The following ANO4 variants were observed in gnomAD, a reference collection of about 807,000 sequenced individuals.
The protein encoded by ANO4 is anoctamin-4.
Under a neutral mutation model 141.9 loss-of-function variants are expected in ANO4, and 69 were observed. The observed-to-expected ratio is 0.49, with a 90% CI of 0.40 to 0.59. The LOEUF (loss-of-function observed/expected upper bound fraction) is 0.59, where lower values mean the gene tolerates loss of function less well. Ranked by LOEUF, ANO4 falls within the 20% of genes least tolerant of loss-of-function variation. The pLI is 0.00. For synonymous variants in ANO4, 350 were observed against 394.3 expected (o/e 0.89, Z 1.33); for missense variants, 894 against 1,162.2 (o/e 0.77, Z 3.36).
intron 5 of ANO4, 117 bp downstream of exon 5, chr12:100,942,652 T>G (rs2042567230): frequency 8.7e-7 from 1 of 1,152,084 alleles, no homozygotes. Flanking sequence ...GTCAGAGTTT[T>G]CCAGTCTTCA....
At chr12:101,072,565 G>T (rs190285214) in intron 14 of ANO4, among the ~76,000 whole-genome samples, 2 of 152,094 alleles carry the variant, frequency 1.3e-5, no homozygotes, top group African/African-American at 4.8e-5. Flanking sequence ...AAAAGCAATG[G>T]CAACAAAAGC....
At chr12:100,988,169 A>G (rs995613686) in intron 8 of ANO4, among the ~76,000 whole-genome samples, 5 of 152,166 alleles carry the variant, frequency 3.3e-5, no homozygotes, top group Non-Finnish European at 7.4e-5. Context: ...CTGGCAGCCC[A>G]CTTGCTGAGT....
intron 2 of ANO4, among the ~76,000 whole-genome samples, chr12:100,921,358 A>G (rs1051993361): frequency 1.3e-5 from 2 of 152,166 alleles, no homozygotes; most frequent in Non-Finnish European, 2.9e-5. Context: ...AAGGCTGAGT[A>G]TACCTCCTAA....
chr12:101,080,900 T>TATATATACACACAC (rs1194122665), intron 15 of ANO4, among the ~76,000 whole-genome samples: 1 of 131,042 alleles, frequency 7.6e-6, no homozygotes, highest in East Asian at 2.1e-4. Context: ...TATATATATA[T>TATATATACACACAC]ACATACACAT....
At chr12:100,860,736 ATTT>A (rs1389143027) in intron 1 of ANO4, among the ~76,000 whole-genome samples, 28 of 152,178 alleles carry the variant, frequency 1.8e-4, no homozygotes, top group Non-Finnish European at 1.5e-4. Context: ...TGGAACTTCT[ATTT>A]CATTGGAAGA....
chr12:100,989,627 A>ATAGGTCAC (rs1266183217), intron 8 of ANO4, among the ~76,000 whole-genome samples: 7 of 88,540 alleles, frequency 7.9e-5, no homozygotes, highest in South Asian at 2.9e-4. Flanking sequence ...GGATAGATGG[A>ATAGGTCAC]TGGATGGATG....
chr12:101,058,429 T>C lies in ANO4; in HGVS notation c.1312+10028T>C, dbSNP rs1319024095. 3.3e-5 allele frequency among the ~76,000 whole-genome samples: 5 copies of C among 152,340 alleles called. No homozygotes were observed. In the East Asian group the frequency reaches 9.6e-4, roughly 29 times the overall value. ...CAGTGGTAGCTTGATGTGGATAGCA[T>C]TGAATCTATAAATTACTTGGGGAAG... On this transcript the variant is annotated intron_variant, in intron 14 of 27. Transcript: ENST00000392977.
intron 3 of ANO4, among the ~76,000 whole-genome samples, chr12:100,755,072 G>A (rs1159088819): frequency 6.6e-6 from 1 of 152,180 alleles, no homozygotes; most frequent in African/African-American, 2.4e-5. Context: ...ATAAATGTGT[G>A]TCCTTCTATA....
chr12:100,875,946 C>T (rs1225403033), intron 1 of ANO4, among the ~76,000 whole-genome samples: 7 of 150,588 alleles, frequency 4.6e-5, no homozygotes, highest in African/African-American at 1.7e-4. Flanking sequence ...GCCAAAGAGT[C>T]AGTTGAATAA....
chr12:101,008,063 C>T (rs1457011340), intron 8 of ANO4, among the ~76,000 whole-genome samples: 2 of 152,154 alleles, frequency 1.3e-5, no homozygotes, highest in Non-Finnish European at 2.9e-5. Flanking sequence ...CAATAAGAAT[C>T]ATTGTGAAGA....
chr12:101,076,109 AAG>A, intron 14 of ANO4, among the ~76,000 whole-genome samples: 1 of 152,284 alleles, frequency 6.6e-6, no homozygotes, highest in Non-Finnish European at 1.5e-5. Context: ...TTAGCCAAAA[AAG>A]GGAATATTAT....
In ANO4 at chr12:100,983,456, A is replaced by G. The variant is rs115080276; in HGVS notation, c.603-4083A>G. Reference sequence around the variant, plus strand: ...CTGTTCAGGGTTTCCCAAGGCTGCAATCAAGGTGTTGGTCACCCTGGGCTT... The same window carrying G: ...CTGTTCAGGGTTTCCCAAGGCTGCAGTCAAGGTGTTGGTCACCCTGGGCTT... On this transcript the variant is annotated intron_variant, in intron 7 of 27. Coordinates refer to ENST00000392977, the MANE Select transcript of ANO4 (RefSeq NM_001286615.2). Among the ~76,000 whole-genome samples, 421 of 152,356 alleles carry G rather than the reference A, an allele frequency of 2.8e-3. 1 individual carries two copies. The highest frequency in any genetic ancestry group is 9.2e-3 in the African/African-American group (383 of 41,584).
intron 3 of ANO4, among the ~76,000 whole-genome samples, chr12:100,747,649 T>A (rs183600554): frequency 6.2e-4 from 94 of 152,008 alleles, no homozygotes; most frequent in African/African-American, 1.8e-3. Flanking sequence ...CCAAGGTGGG[T>A]GGATCACAAG....
chr12:100,822,047 C>G (rs2036084388), intron 1 of ANO4, among the ~76,000 whole-genome samples: 1 of 151,852 alleles, frequency 6.6e-6, no homozygotes, highest in Admixed American at 6.6e-5. Context: ...TCCACAGCTC[C>G]CATCCTGACC....
chr12:100,918,279 T>C (rs2041444646), intron 2 of ANO4, among the ~76,000 whole-genome samples: 1 of 152,182 alleles, frequency 6.6e-6, no homozygotes, highest in African/African-American at 2.4e-5. Context: ...GTAAGCTGTG[T>C]TCGCACCACT....
chr12:101,119,440 C>CGAGAT (rs1475460503), intron 25 of ANO4, among the ~76,000 whole-genome samples: 22 of 152,008 alleles, frequency 1.4e-4, no homozygotes, highest in African/African-American at 4.8e-4. Flanking sequence ...GGTGACAGAG[C>CGAGAT]GAGATTCTGT....
intron 14 of ANO4, among the ~76,000 whole-genome samples, chr12:101,078,043 A>C (rs1017466420): frequency 1.3e-5 from 2 of 152,190 alleles, no homozygotes; most frequent in South Asian, 4.1e-4. Context: ...CTTTCTAGCT[A>C]CTTATTTTAA....
chr12:101,053,056 C>T (rs2047938462), intron 14 of ANO4, among the ~76,000 whole-genome samples: 2 of 152,138 alleles, frequency 1.3e-5, no homozygotes, highest in African/African-American at 4.8e-5. Context: ...TTAACTCATA[C>T]ACAAAAATGA....
chr12:100,803,695 G>T (rs1439098824), intron 1 of ANO4, among the ~76,000 whole-genome samples: 1 of 152,094 alleles, frequency 6.6e-6, no homozygotes, highest in Non-Finnish European at 1.5e-5. Context: ...TGGACCTTGG[G>T]CAAGTGAGCT....
Sources: gnomAD v4.1 joint callset for allele counts (sites outside exome capture counted in the v4.1 genomes callset) on GRCh38, gnomAD v4.1.1 for gene constraint, MANE v1.5 for transcripts, NCBI Gene and HGNC (gene_info 2026-07-23, HGNC 2026-07-21) for gene names.